FAM53B: variants seen among roughly 807,000 people sequenced by gnomAD.
The protein encoded by FAM53B is family with sequence similarity 53 member B, also known as protein FAM53B.
A neutral mutation model predicts 32.7 loss-of-function variants in FAM53B; 12 were observed. That is an observed-to-expected ratio of 0.37 (90% CI 0.24 to 0.59). The LOEUF (loss-of-function observed/expected upper bound fraction) is 0.59. Among genes scored for constraint, FAM53B ranks in the 20% least tolerant of loss-of-function variants. FAM53B has a pLI of 0.72. For missense variants in FAM53B, 477 were observed against 577.7 expected (o/e 0.83, Z 1.79); for synonymous variants, 234 against 228.7 (o/e 1.02, Z -0.21).
At chr10:124,740,846 G>T (rs1950195397) in intron 1 of FAM53B, among the ~76,000 whole-genome samples, 1 of 152,202 alleles carries the variant, frequency 6.6e-6, no homozygotes, top group Non-Finnish European at 1.5e-5. Context: ...GTAGCAGCCG[G>T]ACGAGGCAAG....
rs969690367 is a variant in FAM53B, at chr10:124,621,748, G to A, written c.*1494C>T. On this transcript the variant is annotated 3_prime_UTR_variant, in exon 5 of 5. Coordinates refer to ENST00000337318, the MANE Select transcript of FAM53B (RefSeq NM_014661.4). ...ACCTGCAGAAGCGAGGCGTTCACTCGTCCATGAAGACGAGCAAAAGCAAAG... is the reference window on the plus strand; with the variant it reads ...ACCTGCAGAAGCGAGGCGTTCACTCATCCATGAAGACGAGCAAAAGCAAAG... The A allele has an allele frequency of 6.6e-6, 1 of 152,374 alleles. No homozygotes were observed. Among genetic ancestry groups the A allele is most frequent in the East Asian group, 1.9e-4 (1 of 5,192 alleles). 9.4% of individuals were successfully genotyped at this position (152,374 alleles called of 1,614,324 possible). A position where few individuals can be genotyped will look rare whatever the true frequency, so the allele number is the denominator to read the frequency against.
chr10:124,628,036 G>A (rs1164431917), intron 4 of FAM53B, among the ~76,000 whole-genome samples: 2 of 152,162 alleles, frequency 1.3e-5, no homozygotes, highest in Admixed American at 1.3e-4. Flanking sequence ...TACTCACTCC[G>A]TCCAGCCTCA....
At chr10:124,740,728 T>C (rs186689204) in intron 1 of FAM53B, among the ~76,000 whole-genome samples, 1 of 152,348 alleles carries the variant, frequency 6.6e-6, no homozygotes, top group East Asian at 1.9e-4. Flanking sequence ...AAACTCTCCC[T>C]GGATGATCAG....
Position 124,687,188 on chromosome 10 carries a change from C to T in FAM53B, c.134-4809G>A, listed in dbSNP as rs1455369592. Among the ~76,000 whole-genome samples the T allele has an allele frequency of 2.0e-5, 3 of 152,180 alleles. 1 individual carries two copies. The highest frequency in any genetic ancestry group is 1.3e-4 in the Admixed American group (2 of 15,284). On this transcript the variant is annotated intron_variant, in intron 3 of 4. Coordinates refer to ENST00000337318, the MANE Select transcript of FAM53B (RefSeq NM_014661.4). ...CAGACAAAAGAAACAGGAATAGAAG[C>T]TAATTTTTCATGGCAAACTGCCCCA... is the stretch of plus-strand genomic sequence containing the variant.
chr10:124,677,888 C>G lies in FAM53B; in HGVS notation c.906+3719G>C, dbSNP rs567859531. On this transcript the variant is annotated intron_variant, in intron 4 of 4. Transcript: ENST00000337318. Reference sequence around the variant, plus strand: ...CAACAGACAGGAGAATGCTCACACACGGCGAACTCCCTCTGACAAGGGGGG... The same window carrying G: ...CAACAGACAGGAGAATGCTCACACAGGGCGAACTCCCTCTGACAAGGGGGG... Among the ~76,000 whole-genome samples, 34 of 152,312 alleles carry G rather than the reference C, an allele frequency of 2.2e-4. No individual in the cohort carries two copies. The South Asian group carries it at 6.6e-3, about 30-fold the overall frequency.
chr10:124,663,152 G>C (rs553851552), intron 4 of FAM53B, among the ~76,000 whole-genome samples: 2 of 152,336 alleles, frequency 1.3e-5, no homozygotes, highest in African/African-American at 2.4e-5. Context: ...TCCTCCCAGA[G>C]CCTCATCCCT....
At chr10:124,680,955 C>T (rs1413610737) in intron 4 of FAM53B, among the ~76,000 whole-genome samples, 1 of 152,204 alleles carries the variant, frequency 6.6e-6, no homozygotes, top group Non-Finnish European at 1.5e-5. Flanking sequence ...TCATTCAAAT[C>T]AATATCCAAG....
chr10:124,676,497 C>A (rs982435805), intron 4 of FAM53B, among the ~76,000 whole-genome samples: 4 of 152,200 alleles, frequency 2.6e-5, no homozygotes, highest in East Asian at 1.9e-4. Flanking sequence ...GCACAGCTGG[C>A]CTGCAGCTGC....
At chr10:124,669,787 G>A (rs561700256) in intron 4 of FAM53B, among the ~76,000 whole-genome samples, 30 of 152,288 alleles carry the variant, frequency 2.0e-4, no homozygotes, top group Admixed American at 1.0e-3. Context: ...GCTCTGCCAC[G>A]CAGCCAGCAA....
At chr10:124,661,267 G>C (rs1413473058) in intron 4 of FAM53B, among the ~76,000 whole-genome samples, 1 of 152,142 alleles carries the variant, frequency 6.6e-6, no homozygotes, top group African/African-American at 2.4e-5. Context: ...ACGGAGGTGT[G>C]TCGCATCCCA....
chr10:124,662,437 T>C (rs894065958), intron 4 of FAM53B, among the ~76,000 whole-genome samples: 25 of 150,594 alleles, frequency 1.7e-4, no homozygotes, highest in African/African-American at 4.6e-4. Context: ...CATCCATCCA[T>C]CCACCCACCC....
rs373390440 is a variant in FAM53B, at chr10:124,619,361, G to C, written c.*3881C>G. 1 of 152,590 alleles carries C rather than the reference G, an allele frequency of 6.6e-6. No individual in the cohort carries two copies. The highest frequency in any genetic ancestry group is 2.4e-5 in the African/African-American group (1 of 41,428). 9.5% of individuals were successfully genotyped at this position (152,590 alleles called of 1,614,324 possible). On this transcript the variant is annotated 3_prime_UTR_variant, in exon 5 of 5. Transcript: ENST00000337318. ...AAGCAAATTCCTGAGAGACTAGAGC[G>C]GCTGGAGTGCAAGCCACAGCCTGTG...
At chr10:124,679,399 C>T (rs12413314) in intron 4 of FAM53B, among the ~76,000 whole-genome samples, 6,552 of 152,278 alleles carry the variant, frequency 0.043, 207 homozygotes, top group East Asian at 0.12. Context: ...CGCACAAGGC[C>T]GTGCACTCGC....
intron 1 of FAM53B, among the ~76,000 whole-genome samples, chr10:124,708,440 C>G (rs1949976324): frequency 6.6e-6 from 1 of 152,170 alleles, no homozygotes; most frequent in Admixed American, 6.5e-5. Flanking sequence ...GAAGGGAGCC[C>G]CGGGGAGCCT....
chr10:124,627,628 T>C (rs1334266042), intron 4 of FAM53B, among the ~76,000 whole-genome samples: 1 of 152,096 alleles, frequency 6.6e-6, no homozygotes, highest in East Asian at 1.9e-4. Flanking sequence ...GCCAGGGACA[T>C]GGATCAAGAC....
rs1950179825 is a variant in FAM53B, at chr10:124,737,528, G to A, written c.-175+6485C>T. Among the ~76,000 whole-genome samples the A allele has an allele frequency of 2.6e-5, 4 of 152,324 alleles. No homozygotes were observed. The South Asian group carries it at 8.3e-4, about 32-fold the overall frequency. On this transcript the variant is annotated intron_variant, in intron 1 of 4. Transcript: ENST00000337318. Reference sequence around the variant, plus strand: ...GGTTCCACGTCATGAGAACACAGCAGTAGGGCAGGGACTCAGGAGACAGAG... The same window carrying A: ...GGTTCCACGTCATGAGAACACAGCAATAGGGCAGGGACTCAGGAGACAGAG...
chr10:124,734,753 G>A (rs963457087), intron 1 of FAM53B, among the ~76,000 whole-genome samples: 1 of 152,180 alleles, frequency 6.6e-6, no homozygotes, highest in African/African-American at 2.4e-5. Context: ...AGTGCAGCAG[G>A]AAATCTCATG....
chr10:124,678,320 T>C (rs1949749257), intron 4 of FAM53B, among the ~76,000 whole-genome samples: 1 of 152,122 alleles, frequency 6.6e-6, no homozygotes, highest in African/African-American at 2.4e-5. Flanking sequence ...CAGATACAGA[T>C]ACACACACAC....
At chr10:124,730,885 T>C (rs1333149905) in intron 1 of FAM53B, among the ~76,000 whole-genome samples, 1 of 152,154 alleles carries the variant, frequency 6.6e-6, no homozygotes, top group African/African-American at 2.4e-5. Context: ...GCAATAAATA[T>C]TTTAGGCTTT....
Sources: gnomAD v4.1 joint callset for allele counts (sites outside exome capture counted in the v4.1 genomes callset) on GRCh38, gnomAD v4.1.1 for gene constraint, MANE v1.5 for transcripts, NCBI Gene and HGNC (gene_info 2026-07-23, HGNC 2026-07-21) for gene names.